The following IMPG2 variants were observed in gnomAD, a reference collection of about 807,000 sequenced individuals.
IMPG2 encodes IPM 200.
In IMPG2, 91 loss-of-function variants were observed where a neutral mutation model predicts 129.2. The ratio of observed to expected loss-of-function variants is 0.70; its 90% CI spans 0.59 to 0.84. The LOEUF (loss-of-function observed/expected upper bound fraction) is 0.84. Among genes scored for constraint, IMPG2 ranks in the 40% least tolerant of loss-of-function variants. The pLI is 0.00. For synonymous variants in IMPG2, 510 were observed against 517.7 expected, an observed-to-expected ratio of 0.99 and a Z score of 0.20; for missense variants, 1,430 against 1,461.7, an observed-to-expected ratio of 0.98 and a Z score of 0.35.
At chr3:101,285,241 C>T (rs891551205) in intron 4 of IMPG2, among the ~76,000 whole-genome samples, 16 of 152,170 alleles carry the variant, frequency 1.1e-4, no homozygotes, top group African/African-American at 3.9e-4. Flanking sequence ...CATTCCTCTA[C>T]TGGTCCATCT....
chr3:101,257,824 A>G (rs568922397), intron 9 of IMPG2, 51 bp from the exon 10 acceptor site: 2 of 1,602,430 alleles, frequency 1.2e-6, no homozygotes, highest in East Asian at 2.2e-5. Flanking sequence ...AAGCACAAAG[A>G]AAGGAGCATT....
chr3:101,293,572 C>G (rs1707045087), intron 3 of IMPG2, among the ~76,000 whole-genome samples: 1 of 152,144 alleles, frequency 6.6e-6, no homozygotes, highest in African/African-American at 2.4e-5. Context: ...GTATTGCCTT[C>G]TAATTTAAGT....
intron 3 of IMPG2, among the ~76,000 whole-genome samples, chr3:101,298,232 T>C (rs1255766520): frequency 6.6e-6 from 1 of 152,176 alleles, no homozygotes; most frequent in Non-Finnish European, 1.5e-5. Flanking sequence ...CCTGCTTTTT[T>C]TTTTCTTTCC....
At chr3:101,288,393 C>A (rs1020772701) in intron 4 of IMPG2, among the ~76,000 whole-genome samples, 9 of 151,982 alleles carry the variant, frequency 5.9e-5, no homozygotes, top group Non-Finnish European at 1.2e-4. Flanking sequence ...CAAAAAGCCA[C>A]ATGCACTCAT....
At chr3:101,310,236 G>T (rs1437617326) in intron 2 of IMPG2, among the ~76,000 whole-genome samples, 4 of 152,162 alleles carry the variant, frequency 2.6e-5, no homozygotes, top group African/African-American at 9.7e-5. Flanking sequence ...GAATTGCACT[G>T]ATGTCTTCAA....
In IMPG2 at chr3:101,273,747, A is replaced by T. The variant is rs1706812615; in HGVS notation, c.667-5T>A. ...ATTCTCAATTTCATTGCTAATCTGAATTTTTAGAGAAAGAACAATAAATGT... is the reference window on the plus strand; with the variant it reads ...ATTCTCAATTTCATTGCTAATCTGATTTTTTAGAGAAAGAACAATAAATGT... On this transcript the variant is annotated splice_polypyrimidine_tract_variant and splice_region_variant and intron_variant, in intron 6 of 18. Coordinates refer to ENST00000193391, the MANE Select transcript of IMPG2 (RefSeq NM_016247.4). The T allele has an allele frequency of 6.2e-7, 1 of 1,613,022 alleles. No homozygotes were observed. Among genetic ancestry groups the T allele is most frequent in the African/African-American group, 1.3e-5 (1 of 74,912 alleles).
rs1196983001 is a variant in IMPG2, at chr3:101,269,549, G to A, written c.853C>T (p.Pro285Ser). The A allele has an allele frequency of 6.3e-7, 1 of 1,595,162 alleles. No homozygotes were observed. Among genetic ancestry groups the A allele is most frequent in the Non-Finnish European group, 8.6e-7 (1 of 1,163,182 alleles). ...SEVENAFTGL[P>S]GYKEIRVLEF... Reference sequence around the variant, plus strand: ...AGTACACGAATTTCCTTGTAGCCTGGTAACCCAGTAAATGCATTTTCAACC... The same window carrying A: ...AGTACACGAATTTCCTTGTAGCCTGATAACCCAGTAAATGCATTTTCAACC... The change falls in exon 8 of 19, where the codon CCA (proline) becomes TCA (serine). Residue 285 changes from proline to serine, a missense_variant. Transcript: ENST00000193391.
intron 17 of IMPG2, among the ~76,000 whole-genome samples, chr3:101,229,122 G>A (rs1253100074): frequency 7.4e-6 from 1 of 135,358 alleles, no homozygotes; most frequent in Non-Finnish European, 1.6e-5. Flanking sequence ...GAAGGAGAGA[G>A]TACCAGTTAA....
At chr3:101,262,906 G>A (rs929439701) in intron 9 of IMPG2, among the ~76,000 whole-genome samples, 1 of 151,680 alleles carries the variant, frequency 6.6e-6, no homozygotes, top group Non-Finnish European at 1.5e-5. Context: ...GAGTAACCAT[G>A]CTCAGACAAA....
intron 10 of IMPG2, among the ~76,000 whole-genome samples, chr3:101,256,596 C>A (rs1706612917): frequency 6.6e-6 from 1 of 152,076 alleles, no homozygotes; most frequent in South Asian, 2.1e-4. Flanking sequence ...TACACACACA[C>A]ACAGAGAACT....
chr3:101,315,139 G>A (rs1250877996), intron 2 of IMPG2, among the ~76,000 whole-genome samples: 1 of 152,116 alleles, frequency 6.6e-6, no homozygotes, highest in African/African-American at 2.4e-5. Flanking sequence ...AATAAATAAA[G>A]TATGTTGTAC....
chr3:101,267,546 TA>T lies in IMPG2; in HGVS notation c.888-16del. On this transcript the variant is annotated splice_polypyrimidine_tract_variant and intron_variant, in intron 8 of 18. Transcript: ENST00000193391. ...CCTTGGGGGACCTGAAAACAAAAATTAAAAATATTAAACAGAGTTTGAGACA... is the reference window on the plus strand; with the variant it reads ...CCTTGGGGGACCTGAAAACAAAAATTAAAATATTAAACAGAGTTTGAGACA... The T allele has an allele frequency of 6.2e-7, 1 of 1,602,896 alleles. No individual in the cohort carries two copies. Among genetic ancestry groups the T allele is most frequent in the Non-Finnish European group, 8.5e-7 (1 of 1,170,072 alleles).
In IMPG2 at chr3:101,251,033, A is replaced by T. The variant is rs188055497; in HGVS notation, c.1239+2663T>A. Among the ~76,000 whole-genome samples the T allele has an allele frequency of 9.2e-5, 14 of 152,308 alleles. No individual in the cohort carries two copies. In the East Asian group the frequency reaches 2.3e-3, roughly 25 times the overall value. On this transcript the variant is annotated intron_variant, in intron 11 of 18. Transcript: ENST00000193391. ...TTTAATTGTCTAAAACTACTTCCAG[A>T]GATGTGTTAAAGCTACTCATATATT...
chr3:101,297,922 A>C (rs911153916), intron 3 of IMPG2, among the ~76,000 whole-genome samples: 2 of 152,158 alleles, frequency 1.3e-5, no homozygotes, highest in Non-Finnish European at 2.9e-5. Context: ...GGTCCACTTG[A>C]TCCTGAGCTG....
At chr3:101,267,477 T>C in intron 9 of IMPG2, 34 bp downstream of exon 9, 1 of 1,592,930 alleles carries the variant, frequency 6.3e-7, no homozygotes, top group Non-Finnish European at 8.6e-7. Flanking sequence ...TGTCTCCCAA[T>C]TCAATGGACA....
intron 14 of IMPG2, among the ~76,000 whole-genome samples, chr3:101,242,256 G>A (rs1273762638): frequency 6.6e-6 from 1 of 152,156 alleles, no homozygotes; most frequent in Non-Finnish European, 1.5e-5. Context: ...ATTGATTCTG[G>A]AGGTTATGAG....
In IMPG2 at chr3:101,231,082, G is replaced by T. The variant is rs775572865; in HGVS notation, c.3297C>A (p.Pro1099=). The T allele has an allele frequency of 1.9e-6, 3 of 1,614,036 alleles. No individual in the cohort carries two copies. The highest frequency in any genetic ancestry group is 2.2e-5 in the South Asian group (2 of 91,072). The change falls in exon 16 of 19, where the codon CCC becomes CCA. Residue 1099 remains proline, a synonymous_variant. Transcript: ENST00000193391. ...AGGCAATAGTGATGCCTATGATCAC[G>T]GGCTCAGACACAAATTCCTCACAGT... is the stretch of plus-strand genomic sequence containing the variant. ...GKHCEEFVSE[P]VIIGITIASV...
At position 101,315,911 on chromosome 3, in the gene IMPG2, A is replaced by ATTT. The variant is rs561119035; in HGVS notation, c.334+3672_334+3673insAAA. 7.1e-3 allele frequency among the ~76,000 whole-genome samples: 1,078 copies of ATTT among 152,252 alleles called. 11 individuals are homozygous for ATTT. The highest frequency in any genetic ancestry group is 0.025 in the African/African-American group (1,024 of 41,566). Reference sequence around the variant, plus strand: ...TAATAAAGCTTACAGTAAATAAGACACTATGGTATTGGCATAAAAATAGAC... The same window carrying ATTT: ...TAATAAAGCTTACAGTAAATAAGACATTTCTATGGTATTGGCATAAAAATAGAC... On this transcript the variant is annotated intron_variant, in intron 2 of 18. Coordinates refer to ENST00000193391, the MANE Select transcript of IMPG2 (RefSeq NM_016247.4).
At chr3:101,232,602 A>G (rs193024951) in intron 15 of IMPG2, among the ~76,000 whole-genome samples, 179 bp downstream of exon 15, 8 of 152,160 alleles carry the variant, frequency 5.3e-5, no homozygotes, top group Non-Finnish European at 1.2e-4. Flanking sequence ...CTGAATTGAA[A>G]TTCAGGCCTG....
Sources: gnomAD v4.1 joint callset for allele counts (sites outside exome capture counted in the v4.1 genomes callset) on GRCh38, gnomAD v4.1.1 for gene constraint, MANE v1.5 for transcripts, NCBI Gene and HGNC (gene_info 2026-07-23, HGNC 2026-07-21) for gene names.